SYTL3: variants seen among roughly 807,000 people sequenced by gnomAD.
The protein encoded by SYTL3 is synaptotagmin like 3.
A neutral mutation model predicts 82.1 loss-of-function variants in SYTL3; 88 were observed. The ratio of observed to expected loss-of-function variants is 1.07; its 90% CI spans 0.90 to 1.28. SYTL3 has a LOEUF of 1.28. Among genes scored for constraint, SYTL3 ranks in the 50% most tolerant of loss-of-function variants. The probability of loss-of-function intolerance (pLI) is 0.00; values close to 1 mark genes in which losing one functional copy is unlikely to be tolerated. For synonymous variants in SYTL3, 311 were observed against 289.4 expected (o/e 1.07, Z -0.76); for missense variants, 831 against 757.6 (o/e 1.10, Z -1.14).
chr6:158,698,995 C>T (rs1780863640), intron 6 of SYTL3, among the ~76,000 whole-genome samples: 1 of 152,204 alleles, frequency 6.6e-6, no homozygotes, highest in Non-Finnish European at 1.5e-5. Flanking sequence ...GGCCGCCTTT[C>T]TCCTGACTGC....
upstream of SYTL3, among the ~76,000 whole-genome samples, chr6:158,649,131 T>C (rs879693146): frequency 6.6e-6 from 1 of 152,204 alleles, no homozygotes; most frequent in Non-Finnish European, 1.5e-5. Context: ...TTCCAATGGG[T>C]AAATATTCAT....
At chr6:158,715,639 A>C (rs868024759) in intron 9 of SYTL3, among the ~76,000 whole-genome samples, 100 of 92,984 alleles carry the variant, frequency 1.1e-3, no homozygotes, top group African/African-American at 1.9e-3. Context: ...CACCCCCCAT[A>C]CCCCCCCACC....
At chr6:158,647,061 C>T (rs1787525594), upstream of SYTL3, among the ~76,000 whole-genome samples, 3 of 152,310 alleles carry the variant, frequency 2.0e-5, no homozygotes, top group African/African-American at 2.4e-5. Context: ...GAACATGACA[C>T]TTGGGACAGC....
At position 158,764,393 on chromosome 6, in the gene SYTL3, T is replaced by C. The variant is rs562519069; in HGVS notation, c.1724-102T>C. ...CAGTGGTTGGCCTTTTAATGTGGAC[T>C]TGAGGTGAAAAACTTCTGGCTGGTC... On this transcript the variant is annotated intron_variant, in intron 17 of 17. Coordinates refer to ENST00000611299, the MANE Select transcript of SYTL3 (RefSeq NM_001242394.2). 190 of 819,890 alleles carry C rather than the reference T, an allele frequency of 2.3e-4. 1 individual carries two copies. The African/African-American group carries it at 2.9e-3, about 12-fold the overall frequency. 50.8% of individuals were successfully genotyped at this position (819,890 alleles called of 1,614,324 possible). A position where few individuals can be genotyped will look rare whatever the true frequency, so the allele number is the denominator to read the frequency against.
At chr6:158,749,452 T>C (rs36109955) in intron 12 of SYTL3, among the ~76,000 whole-genome samples, 32,868 of 129,980 alleles carry the variant, frequency 0.25, 5,177 homozygotes, top group African/African-American at 0.37. Context: ...ATGTAAAACT[T>C]TGTGCTAATA....
intron 5 of SYTL3, among the ~76,000 whole-genome samples, chr6:158,680,049 G>A (rs537278038): frequency 6.2e-4 from 94 of 152,308 alleles, no homozygotes; most frequent in African/African-American, 2.2e-3. Context: ...AGTAAGGTGC[G>A]TTTATCAGGC....
intron 6 of SYTL3, among the ~76,000 whole-genome samples, chr6:158,696,269 G>A (rs568748422): frequency 1.6e-4 from 25 of 151,840 alleles, no homozygotes; most frequent in Admixed American, 4.6e-4. Flanking sequence ...GTGCTATCTC[G>A]GCTGACTGCA....
intron 11 of SYTL3, among the ~76,000 whole-genome samples, chr6:158,737,196 C>A (rs1353578007): frequency 1.3e-5 from 2 of 152,116 alleles, no homozygotes; most frequent in Non-Finnish European, 2.9e-5. Context: ...TGAACTTCAC[C>A]ATGACCCTAT....
At chr6:158,715,674 G>T (rs1783337100) in intron 9 of SYTL3, among the ~76,000 whole-genome samples, 1 of 62,336 alleles carries the variant, frequency 1.6e-5, no homozygotes, top group Non-Finnish European at 3.3e-5. Flanking sequence ...CCCAGAGGCA[G>T]AGATAGAAAA....
In SYTL3 at chr6:158,763,489, G is replaced by T; in HGVS notation, c.1703G>T (p.Gly568Val). Residue 568 changes from glycine to valine, a missense_variant, in exon 17 of 18, where the codon GGA (glycine) becomes GTA (valine). By Grantham distance (109) the Gly-to-Val change is moderately radical. Transcript: ENST00000611299. ...ALFGMNDRLL[G>V]GTRLGSKGDT... ...TTTGGAATGAACGACCGCTTGCTTG[G>T]AGGAACCAGACTTGGTTCAAGTAAG... 1.2e-6 allele frequency: 2 copies of T among 1,614,176 alleles called. No individual in the cohort carries two copies. Among genetic ancestry groups the T allele is most frequent in the Non-Finnish European group, 1.7e-6 (2 of 1,180,020 alleles).
rs1166940689 is a variant in SYTL3 at position 158,760,750 on chromosome 6, GT to G, written c.1414+6del. On this transcript the variant is annotated splice_donor_region_variant and intron_variant, in intron 15 of 17. Coordinates refer to ENST00000611299, the MANE Select transcript of SYTL3 (RefSeq NM_001242394.2). ...AACTCCAAGAGGCTCAAGAAGGTCA[GT>G]GGCCTCCAGCTCCCTGGACATTGTC... 6.8e-6 allele frequency: 11 copies of G among 1,606,460 alleles called. No individual in the cohort carries two copies. Among genetic ancestry groups the G allele is most frequent in the South Asian group, 1.1e-5 (1 of 90,924 alleles).
intron 11 of SYTL3, among the ~76,000 whole-genome samples, chr6:158,727,000 C>G (rs1027412545): frequency 2.6e-5 from 4 of 151,956 alleles, no homozygotes; most frequent in Non-Finnish European, 5.9e-5. Context: ...CAGGCGCCCG[C>G]CACCACACCC....
At chr6:158,701,150 G>GGTGAGCTGGGGTGTAGATGAAGGAGT (rs1562393097) in intron 6 of SYTL3, among the ~76,000 whole-genome samples, 5 of 141,250 alleles carry the variant, frequency 3.5e-5, no homozygotes, top group Admixed American at 3.5e-4. Flanking sequence ...TCATGGAGGA[G>GGTGAGCTGGGGTGTAGATGAAGGAGT]GTGAGCTGGG....
chr6:158,733,046 T>C (rs1381674236), intron 11 of SYTL3, among the ~76,000 whole-genome samples: 1 of 151,840 alleles, frequency 6.6e-6, no homozygotes, highest in African/African-American at 2.4e-5. Flanking sequence ...ATAATAATAA[T>C]GTTAAAAATA....
At chr6:158,698,396 CAAA>C (rs561053825) in intron 6 of SYTL3, among the ~76,000 whole-genome samples, 3 of 113,290 alleles carry the variant, frequency 2.6e-5, no homozygotes, top group Admixed American at 9.5e-5. Flanking sequence ...GACTCTGTCT[CAAA>C]AAAAAAAAAA....
At chr6:158,762,839 C>T (rs187753173) in intron 16 of SYTL3, among the ~76,000 whole-genome samples, 19 of 152,250 alleles carry the variant, frequency 1.2e-4, no homozygotes, top group South Asian at 1.2e-3. Flanking sequence ...CTTCCTTGAA[C>T]TTGGGGGGAG....
rs1486108088 is a variant in SYTL3, at chr6:158,663,233, G to A, written c.-36G>A. 2 of 1,604,108 alleles carry A rather than the reference G, an allele frequency of 1.2e-6. No individual in the cohort carries two copies. The highest frequency in any genetic ancestry group is 1.3e-5 in the African/African-American group (1 of 74,726). On this transcript the variant is annotated 5_prime_UTR_variant, in exon 4 of 18. Transcript: ENST00000611299. The stretch of plus-strand genomic sequence containing the variant: ...GTGAGCGCTTGGTCCATGCAGTGAA[G>A]CTCTTCCAACCTGGGTCAACGAAAA...
Position 158,665,553 on chromosome 6 carries a change from A to G in SYTL3, c.269A>G (p.Gln90Arg). 2 of 1,584,146 alleles carry G rather than the reference A, an allele frequency of 1.3e-6. No individual in the cohort carries two copies. The highest frequency in any genetic ancestry group is 1.9e-5 in the Admixed American group (1 of 53,704). ...GGCTGCAGCCACCGCGTGTGTGCCC[A>G]GTGCCGAGTGTTCCTGAGGGGGACC... The part of the protein sequence containing the change: ...CRGCSHRVCA[Q>R]CRVFLRGTHA... Residue 90 changes from glutamine to arginine, a missense_variant, in exon 5 of 18, where the codon CAG becomes CGG. Gln to Arg is a conservative substitution (Grantham distance 43, BLOSUM62 1). Coordinates refer to ENST00000611299, the MANE Select transcript of SYTL3 (RefSeq NM_001242394.2).
intron 11 of SYTL3, among the ~76,000 whole-genome samples, chr6:158,744,275 C>A (rs1346177484): frequency 2.7e-5 from 4 of 150,106 alleles, no homozygotes; most frequent in African/African-American, 9.8e-5. Context: ...CTTTCTGCCC[C>A]CAGGCTTGTT....
Sources: allele counts gnomAD v4.1 joint callset (sites outside exome capture counted in the v4.1 genomes callset), GRCh38; gene constraint gnomAD v4.1.1; transcripts MANE v1.5; gene names NCBI Gene and HGNC (gene_info 2026-07-23, HGNC 2026-07-21).